Variants in RDX observed in about 807,000 individuals in gnomAD.
RDX encodes the protein radixin, also known as deafness, autosomal recessive 24.
In RDX, 32 loss-of-function variants were observed where a neutral mutation model predicts 83.7. The ratio of observed to expected loss-of-function variants is 0.38; its 90% CI spans 0.29 to 0.51. RDX has a LOEUF of 0.51. Ranked by LOEUF, RDX falls within the 20% of genes least tolerant of loss-of-function variation. The pLI is 0.87. For missense variants in RDX, 600 were observed against 689.9 expected (o/e 0.87, Z 1.46); for synonymous variants, 229 against 222.7 (o/e 1.03, Z -0.25).
chr11:110,242,239 G>A (rs1305745704), intron 10 of RDX, among the ~76,000 whole-genome samples: 3 of 152,054 alleles, frequency 2.0e-5, no homozygotes, highest in Non-Finnish European at 4.4e-5. Flanking sequence ...GATCACATGA[G>A]GTCAGGAGTT....
At chr11:110,190,916 C>A (rs1367316663) in intron 15 of RDX, among the ~76,000 whole-genome samples, 2 of 152,172 alleles carry the variant, frequency 1.3e-5, no homozygotes, top group Non-Finnish European at 2.9e-5. Context: ...CTGAATAGAG[C>A]AGTATCAAGT....
intron 15 of RDX, among the ~76,000 whole-genome samples, chr11:110,182,626 A>G (rs1005909804): frequency 6.6e-6 from 1 of 152,138 alleles, no homozygotes; most frequent in Admixed American, 6.5e-5. Flanking sequence ...CAACTTATTG[A>G]ATGAATGAAT....
intron 14 of RDX, among the ~76,000 whole-genome samples, chr11:110,212,200 C>T (rs1863862853): frequency 6.6e-6 from 1 of 151,848 alleles, no homozygotes; most frequent in African/African-American, 2.4e-5. Flanking sequence ...GAGAATACTA[C>T]AAACACCTCT....
intron 9 of RDX, among the ~76,000 whole-genome samples, chr11:110,251,273 T>C (rs1156736954): frequency 6.6e-6 from 1 of 152,182 alleles, no homozygotes; most frequent in East Asian, 1.9e-4. Flanking sequence ...CTTTAGAATA[T>C]CTTACTTTTT....
intron 3 of RDX, among the ~76,000 whole-genome samples, chr11:110,271,563 G>C (rs1860312357): frequency 1.3e-5 from 2 of 152,014 alleles, no homozygotes; most frequent in South Asian, 4.1e-4. Flanking sequence ...ACATTATCTG[G>C]GAAGCTTAAA....
intron 1 of RDX, among the ~76,000 whole-genome samples, chr11:110,289,969 A>AAAAAAAAAC (rs1341901420): frequency 1.4e-5 from 2 of 147,612 alleles, no homozygotes; most frequent in Non-Finnish European, 3.0e-5. Flanking sequence ...AAAAAAAAAA[A>AAAAAAAAAC]AAAAAAAAAA....
intron 15 of RDX, among the ~76,000 whole-genome samples, chr11:110,180,641 T>A (rs1286166429): frequency 3.5e-5 from 5 of 144,248 alleles, no homozygotes; most frequent in African/African-American, 5.2e-5. Flanking sequence ...GTGTGCATGC[T>A]CCTATCTCAG....
chr11:110,235,962 A>T, intron 12 of RDX, 137 bp downstream of exon 12: 1 of 683,964 alleles, frequency 1.5e-6, no homozygotes, highest in South Asian at 1.7e-5. Flanking sequence ...CTGTAGATAG[A>T]TATTTACAAT....
intron 14 of RDX, among the ~76,000 whole-genome samples, chr11:110,210,733 CA>C (rs1230751726): frequency 3.3e-5 from 5 of 151,680 alleles, no homozygotes; most frequent in Non-Finnish European, 5.9e-5. Flanking sequence ...CATATCCAGC[CA>C]AATTAAGCTT....
At chr11:110,256,051 A>G (rs1859533692) in intron 7 of RDX, among the ~76,000 whole-genome samples, 1 of 152,192 alleles carries the variant, frequency 6.6e-6, no homozygotes, top group South Asian at 2.1e-4. Flanking sequence ...ACACAAAGAT[A>G]TAGGGAATCA....
Position 110,209,782 on chromosome 11 carries a change from C to G in RDX, c.1749-10104G>C, listed in dbSNP as rs1007580203. Among the ~76,000 whole-genome samples, 12 of 145,698 alleles carry G rather than the reference C, an allele frequency of 8.2e-5. 1 individual carries two copies. The highest frequency in any genetic ancestry group is 6.2e-4 in the Admixed American group (9 of 14,624). On this transcript the variant is annotated intron_variant, in intron 14 of 15. Coordinates refer to the RDX transcript ENST00000528498. ...ACAGACCTGCAGCTGAGGGTCCTCT[C>G]TGTTAGAAGGAAAACTAACAAACAG...
chr11:110,230,787 G>A lies in RDX; in HGVS notation c.*1082C>T, dbSNP rs746957862. The A allele has an allele frequency of 3.9e-5, 6 of 152,494 alleles. No homozygotes were observed. The highest frequency in any genetic ancestry group is 9.7e-5 in the African/African-American group (4 of 41,412). The allele number at this position is 152,494 out of a possible 1,614,324, so 9.4% of individuals were successfully genotyped here. A position where few individuals can be genotyped will look rare whatever the true frequency, so the allele number is the denominator to read the frequency against. On this transcript the variant is annotated 3_prime_UTR_variant, in exon 14 of 14. Transcript: ENST00000645495. Reference sequence around the variant, plus strand: ...ATATTCTGAAGGAAAATGAAATTTCGAAAGTATTTCTTGATGATCGAGGCT... The same window carrying A: ...ATATTCTGAAGGAAAATGAAATTTCAAAAGTATTTCTTGATGATCGAGGCT...
chr11:110,254,138 T>A, intron 8 of RDX, 29 bp from the exon 9 acceptor site: 3 of 1,594,984 alleles, frequency 1.9e-6, no homozygotes, highest in Non-Finnish European at 2.6e-6. Flanking sequence ...GAATTTAAAA[T>A]CTTCCTCAAG....
At chr11:110,284,714 G>A (rs965035050) in intron 1 of RDX, among the ~76,000 whole-genome samples, 13 of 151,908 alleles carry the variant, frequency 8.6e-5, no homozygotes, top group African/African-American at 2.2e-4. Flanking sequence ...TAGTAGAGAC[G>A]GGGTTTCACC....
intron 14 of RDX, among the ~76,000 whole-genome samples, chr11:110,215,370 AAAT>A (rs778376652): frequency 0.029 from 1,262 of 43,844 alleles, 12 homozygotes; most frequent in African/African-American, 0.068. Flanking sequence ...CTCAAAAAAT[AAAT>A]AAATAAATAA....
chr11:110,191,454 C>T (rs1284547993), intron 15 of RDX, among the ~76,000 whole-genome samples: 2 of 152,164 alleles, frequency 1.3e-5, no homozygotes, highest in African/African-American at 2.4e-5. Context: ...CTATAACAAA[C>T]CCACACTGAA....
intron 3 of RDX, among the ~76,000 whole-genome samples, chr11:110,266,588 GAC>G (rs1860060593): frequency 1.3e-5 from 2 of 150,362 alleles, no homozygotes; most frequent in Admixed American, 6.6e-5. Flanking sequence ...TTTTTTTAAA[GAC>G]AGGGTCTCAC....
intron 15 of RDX, among the ~76,000 whole-genome samples, chr11:110,189,271 C>G (rs898961350): frequency 2.8e-5 from 2 of 72,424 alleles, no homozygotes; most frequent in Non-Finnish European, 6.1e-5. Context: ...AAAAAAAAGA[C>G]AAGGGCATTA....
At chr11:110,242,570 T>C (rs1865143691) in intron 10 of RDX, among the ~76,000 whole-genome samples, 1 of 152,164 alleles carries the variant, frequency 6.6e-6, no homozygotes, top group African/African-American at 2.4e-5. Context: ...AGTTAAATTT[T>C]GAAACATTCC....
Sources: allele counts gnomAD v4.1 joint callset (sites outside exome capture counted in the v4.1 genomes callset), GRCh38; gene constraint gnomAD v4.1.1; transcripts MANE v1.5; gene names NCBI Gene and HGNC (gene_info 2026-07-23, HGNC 2026-07-21).